MARCHF1: variants seen among roughly 807,000 people sequenced by gnomAD.
MARCHF1 encodes the protein E3 ubiquitin-protein ligase MARCHF1.
Under a neutral mutation model 54.2 loss-of-function variants are expected in MARCHF1, and 40 were observed. That is an observed-to-expected ratio of 0.74 (90% CI 0.57 to 0.96). The LOEUF (loss-of-function observed/expected upper bound fraction) is 0.96, where lower values mean the gene tolerates loss of function less well. Among genes scored for constraint, MARCHF1 ranks in the 40% least tolerant of loss-of-function variants. The pLI, the probability that MARCHF1 is intolerant of heterozygous loss-of-function variation, is 0.00. For missense variants in MARCHF1, 586 were observed against 656.5 expected (o/e 0.89, Z 1.17); for synonymous variants, 236 against 236.3 (o/e 1.00, Z 0.01).
intron 4 of MARCHF1, among the ~76,000 whole-genome samples, chr4:163,768,488 A>C (rs75925573): frequency 0.048 from 7,239 of 152,284 alleles, 521 homozygotes; most frequent in East Asian, 0.3. Context: ...TGGCATGGGG[A>C]AAAACAAAAA....
intron 3 of MARCHF1, among the ~76,000 whole-genome samples, chr4:163,893,131 T>C (rs1750698172): frequency 6.6e-6 from 1 of 151,892 alleles, no homozygotes; most frequent in East Asian, 1.9e-4. Context: ...GACCCAACCT[T>C]ACATACTTTA....
intron 4 of MARCHF1, among the ~76,000 whole-genome samples, chr4:163,822,963 G>T (rs1748736619): frequency 6.6e-6 from 1 of 151,828 alleles, no homozygotes; most frequent in Admixed American, 6.6e-5. Context: ...ATAGCAGCTT[G>T]TTAGAGTCCT....
At chr4:164,276,688 TTTCAAATGAAAAAG>T (rs1733890442) in intron 1 of MARCHF1, among the ~76,000 whole-genome samples, 2 of 150,944 alleles carry the variant, frequency 1.3e-5, no homozygotes, top group Non-Finnish European at 3.0e-5. Flanking sequence ...AATTATGGTT[TTTCAAATGAAAAAG>T]TTCATACATT....
intron 4 of MARCHF1, among the ~76,000 whole-genome samples, chr4:163,716,340 A>G (rs1745256385): frequency 6.6e-6 from 1 of 152,212 alleles, no homozygotes; most frequent in Non-Finnish European, 1.5e-5. Flanking sequence ...TGTACGGTGT[A>G]CCTTGCAAAT....
intron 1 of MARCHF1, among the ~76,000 whole-genome samples, chr4:164,376,967 T>C (rs971412001): frequency 6.6e-6 from 1 of 152,160 alleles, no homozygotes; most frequent in Non-Finnish European, 1.5e-5. Context: ...AGCCTCAATG[T>C]CAGTACCTAA....
intron 1 of MARCHF1, among the ~76,000 whole-genome samples, chr4:164,250,317 C>G (rs1231713497): frequency 1.3e-5 from 2 of 151,728 alleles, no homozygotes; most frequent in East Asian, 1.9e-4. Context: ...TGTAGATATT[C>G]AAATTAACTG....
chr4:164,069,341 C>T (rs1754808142), intron 2 of MARCHF1, among the ~76,000 whole-genome samples: 1 of 152,198 alleles, frequency 6.6e-6, no homozygotes, highest in Non-Finnish European at 1.5e-5. Context: ...CAGTGGCAAC[C>T]CACTTGGATC....
chr4:164,125,661 T>C (rs1322272011), intron 1 of MARCHF1, among the ~76,000 whole-genome samples: 3 of 152,144 alleles, frequency 2.0e-5, no homozygotes, highest in Non-Finnish European at 4.4e-5. Context: ...ATACCAGGGA[T>C]TCCCAACCCC....
intron 3 of MARCHF1, among the ~76,000 whole-genome samples, chr4:163,956,152 G>T (rs966045905): frequency 6.6e-6 from 1 of 152,080 alleles, no homozygotes; most frequent in Non-Finnish European, 1.5e-5. Context: ...GAGTGTATCA[G>T]AACACTCTGT....
At chr4:163,812,189 A>C (rs1748407158) in intron 4 of MARCHF1, among the ~76,000 whole-genome samples, 1 of 151,992 alleles carries the variant, frequency 6.6e-6, no homozygotes, top group African/African-American at 2.4e-5. Context: ...GGGACTTCTC[A>C]GCCTCCATAA....
intron 4 of MARCHF1, among the ~76,000 whole-genome samples, chr4:163,719,078 T>C (rs985350197): frequency 1.3e-5 from 2 of 152,186 alleles, no homozygotes; most frequent in South Asian, 4.1e-4. Context: ...ACGTGCACCA[T>C]GTGCAGGTTT....
intron 1 of MARCHF1, among the ~76,000 whole-genome samples, chr4:164,220,078 A>T (rs536624162): frequency 3.3e-5 from 5 of 151,944 alleles, no homozygotes. Flanking sequence ...CAAATGGACT[A>T]TCTAAATCCC....
intron 1 of MARCHF1, among the ~76,000 whole-genome samples, chr4:164,194,091 T>C (rs1335749918): frequency 6.6e-6 from 1 of 152,120 alleles, no homozygotes; most frequent in Non-Finnish European, 1.5e-5. Context: ...GAAACTGAGG[T>C]AGAGACACAA....
intron 2 of MARCHF1, among the ~76,000 whole-genome samples, chr4:164,060,985 TAATA>T (rs1016674051): frequency 2.0e-5 from 3 of 152,182 alleles, no homozygotes; most frequent in African/African-American, 7.2e-5. Context: ...ACTTATTAAT[TAATA>T]CTCTAACAAT....
intron 3 of MARCHF1, among the ~76,000 whole-genome samples, chr4:163,865,442 A>G (rs1056887832): frequency 6.6e-6 from 1 of 152,022 alleles, no homozygotes; most frequent in Non-Finnish European, 1.5e-5. Flanking sequence ...CCAGGGATTT[A>G]TGGCCTGCAT....
At chr4:164,217,704 C>G (rs1731972600) in intron 1 of MARCHF1, among the ~76,000 whole-genome samples, 1 of 152,156 alleles carries the variant, frequency 6.6e-6, no homozygotes, top group Non-Finnish European at 1.5e-5. Flanking sequence ...TAAAATAGAA[C>G]TCAAGAGGGA....
chr4:163,779,752 A>G (rs1747409842), intron 4 of MARCHF1, among the ~76,000 whole-genome samples: 1 of 152,124 alleles, frequency 6.6e-6, no homozygotes, highest in South Asian at 2.1e-4. Context: ...AAACCAAATA[A>G]CTGAATGGAG....
rs572608507 is a variant in MARCHF1, at chr4:163,877,031, TTAGAAAG to T, written c.-38-22869_-38-22863del. Among the ~76,000 whole-genome samples, 810 of 152,226 alleles carry T rather than the reference TTAGAAAG, an allele frequency of 5.3e-3. 3 individuals are homozygous for T. The highest frequency in any genetic ancestry group is 8.2e-3 in the Admixed American group (126 of 15,278). ...TAATTAGTCCTAATTTTTGGAAATT[TTAGAAAG>T]TAGAAAGTAGTCCCCAAATCTTATA... On this transcript the variant is annotated intron_variant, in intron 3 of 9. Coordinates refer to ENST00000514618, the MANE Select transcript of MARCHF1 (RefSeq NM_001394959.1).
At chr4:164,089,477 T>C (rs1755256125) in intron 2 of MARCHF1, among the ~76,000 whole-genome samples, 1 of 152,130 alleles carries the variant, frequency 6.6e-6, no homozygotes, top group African/African-American at 2.4e-5. Context: ...TTTTTGAAAG[T>C]GTTGTATATG....
Sources: allele counts gnomAD v4.1 joint callset (sites outside exome capture counted in the v4.1 genomes callset), GRCh38; gene constraint gnomAD v4.1.1; transcripts MANE v1.5; gene names NCBI Gene and HGNC (gene_info 2026-07-23, HGNC 2026-07-21).